Variants in SLC10A7 observed in about 807,000 individuals in gnomAD.
SLC10A7 encodes sodium/bile acid cotransporter 7.
In SLC10A7, 29 loss-of-function variants were observed where a neutral mutation model predicts 43.2. The observed-to-expected ratio is 0.67, with a 90% CI of 0.50 to 0.92. The LOEUF is 0.92. Ranked by LOEUF, SLC10A7 falls within the 40% of genes least tolerant of loss-of-function variation. The probability of loss-of-function intolerance (pLI) is 0.00; values close to 1 mark genes in which losing one functional copy is unlikely to be tolerated. For synonymous variants in SLC10A7, 152 were observed against 144.8 expected (o/e 1.05, Z -0.35); for missense variants, 295 against 403.2 (o/e 0.73, Z 2.30).
chr4:146,351,061 G>A (rs1425548268), intron 5 of SLC10A7, among the ~76,000 whole-genome samples: 1 of 151,388 alleles, frequency 6.6e-6, no homozygotes, highest in Non-Finnish European at 1.5e-5. Flanking sequence ...AGAGAAGAAG[G>A]CTTCAGATGA....
At position 146,492,379 on chromosome 4, in the gene SLC10A7, T is replaced by C. The variant is rs910697871; in HGVS notation, c.396+11470A>G. Among the ~76,000 whole-genome samples, 12 of 152,036 alleles carry C rather than the reference T, an allele frequency of 7.9e-5. No individual in the cohort carries two copies. The East Asian group carries it at 1.5e-3, about 20-fold the overall frequency. On this transcript the variant is annotated intron_variant, in intron 4 of 11. Transcript: ENST00000335472. Reference sequence around the variant, plus strand: ...TGTTTCTTTGTTTCTTTCTTTCTATTTTTTTTAAGATAGGGTCTCACTCTT... The same window carrying C: ...TGTTTCTTTGTTTCTTTCTTTCTATCTTTTTTAAGATAGGGTCTCACTCTT...
chr4:146,321,981 C>T (rs1027910115), intron 6 of SLC10A7, among the ~76,000 whole-genome samples: 1 of 152,112 alleles, frequency 6.6e-6, no homozygotes, highest in African/African-American at 2.4e-5. Flanking sequence ...TGCCACTGAA[C>T]CTACTGGGAT....
At chr4:146,376,582 G>A (rs79726977) in intron 5 of SLC10A7, among the ~76,000 whole-genome samples, 4,575 of 152,110 alleles carry the variant, frequency 0.03, 237 homozygotes, top group African/African-American at 0.11. Context: ...CGAACTCCAG[G>A]GGAAGACTAA....
At chr4:146,284,844 C>T (rs1729785163) in intron 9 of SLC10A7, among the ~76,000 whole-genome samples, 1 of 152,084 alleles carries the variant, frequency 6.6e-6, no homozygotes, top group African/African-American at 2.4e-5. Context: ...TCCGTAAATG[C>T]ATGGGCTGAG....
At chr4:146,468,744 G>A (rs1001469510) in intron 4 of SLC10A7, among the ~76,000 whole-genome samples, 1 of 152,090 alleles carries the variant, frequency 6.6e-6, no homozygotes, top group East Asian at 1.9e-4. Flanking sequence ...TTACAGGCGT[G>A]AGCCACCGCG....
chr4:146,430,012 G>T (rs1231801609), intron 5 of SLC10A7, among the ~76,000 whole-genome samples: 1 of 146,816 alleles, frequency 6.8e-6, no homozygotes, highest in African/African-American at 2.7e-5. Flanking sequence ...CGGATCACAG[G>T]ACTAAATGTA....
chr4:146,393,199 A>AG, intron 5 of SLC10A7, among the ~76,000 whole-genome samples: 1 of 150,104 alleles, frequency 6.7e-6, no homozygotes, highest in African/African-American at 2.4e-5. Context: ...CTCAAAAAAA[A>AG]AAAAAAAAAA....
intron 5 of SLC10A7, among the ~76,000 whole-genome samples, chr4:146,343,918 A>G (rs931602282): frequency 1.3e-5 from 2 of 152,092 alleles, no homozygotes; most frequent in African/African-American, 4.8e-5. Flanking sequence ...ATCTAAAGGA[A>G]TGTTGTTCTT....
intron 5 of SLC10A7, among the ~76,000 whole-genome samples, chr4:146,433,224 T>G (rs1310368691): frequency 2.7e-5 from 4 of 145,632 alleles, no homozygotes; most frequent in Admixed American, 2.1e-4. Context: ...TGCAGTGGCG[T>G]GATCTCAGCT....
At chr4:146,270,630 T>C (rs1403877628) in intron 10 of SLC10A7, among the ~76,000 whole-genome samples, 1 of 152,116 alleles carries the variant, frequency 6.6e-6, no homozygotes, top group Non-Finnish European at 1.5e-5. Flanking sequence ...GATTCTAATG[T>C]GGGCCAGGTT....
intron 5 of SLC10A7, among the ~76,000 whole-genome samples, chr4:146,373,777 T>G (rs910477349): frequency 6.6e-6 from 1 of 152,154 alleles, no homozygotes; most frequent in Non-Finnish European, 1.5e-5. Context: ...GGCCCACATA[T>G]GAATGATTTT....
chr4:146,341,107 G>A (rs1162749164), intron 5 of SLC10A7, among the ~76,000 whole-genome samples: 1 of 151,784 alleles, frequency 6.6e-6, no homozygotes, highest in African/African-American at 2.4e-5. Context: ...AAAATGTCAT[G>A]GAATTTTAAA....
At chr4:146,434,410 G>T (rs1730040799) in intron 5 of SLC10A7, among the ~76,000 whole-genome samples, 1 of 152,030 alleles carries the variant, frequency 6.6e-6, no homozygotes, top group Admixed American at 6.5e-5. Context: ...AATTGAATCT[G>T]GTATCTGATA....
intron 6 of SLC10A7, among the ~76,000 whole-genome samples, chr4:146,315,004 G>A (rs560555200): frequency 8.5e-5 from 13 of 152,226 alleles, no homozygotes; most frequent in African/African-American, 2.4e-4. Context: ...GAGGGAGTAG[G>A]AAAGAAGCCT....
chr4:146,454,244 T>C (rs1483802579), intron 4 of SLC10A7, among the ~76,000 whole-genome samples: 1 of 151,924 alleles, frequency 6.6e-6, no homozygotes, highest in Non-Finnish European at 1.5e-5. Context: ...TGCCTTATAA[T>C]TGAGGTGAAA....
chr4:146,449,864 C>G (rs568802938), intron 4 of SLC10A7, among the ~76,000 whole-genome samples: 1 of 152,158 alleles, frequency 6.6e-6, no homozygotes, highest in East Asian at 1.9e-4. Flanking sequence ...AACTAGAATG[C>G]CCTGGGTTAT....
chr4:146,258,936 C>T, intron 10 of SLC10A7, 99 bp from the exon 11 acceptor site: 1 of 1,298,750 alleles, frequency 7.7e-7, no homozygotes, highest in Non-Finnish European at 1.1e-6. Flanking sequence ...TAGGTTATTA[C>T]CATATTTTCT....
At chr4:146,325,018 T>A (rs1316218094) in intron 6 of SLC10A7, among the ~76,000 whole-genome samples, 1 of 152,216 alleles carries the variant, frequency 6.6e-6, no homozygotes, top group African/African-American at 2.4e-5. Context: ...TATTTCCTAC[T>A]CAGCGGGTAA....
intron 5 of SLC10A7, among the ~76,000 whole-genome samples, chr4:146,384,870 A>G (rs944362437): frequency 6.6e-6 from 1 of 152,008 alleles, no homozygotes; most frequent in Non-Finnish European, 1.5e-5. Flanking sequence ...ACATTTATAC[A>G]CTGCTTTTTA....
Sources: gnomAD v4.1 joint callset for allele counts (sites outside exome capture counted in the v4.1 genomes callset) on GRCh38, gnomAD v4.1.1 for gene constraint, MANE v1.5 for transcripts, NCBI Gene and HGNC (gene_info 2026-07-23, HGNC 2026-07-21) for gene names.